Variants in WFS1 observed in about 807,000 individuals in gnomAD.
WFS1 encodes wolframin.
In WFS1, 90 loss-of-function variants were observed where a neutral mutation model predicts 68.5. The observed-to-expected ratio is 1.31, with a 90% CI of 1.11 to 1.56. The LOEUF (loss-of-function observed/expected upper bound fraction) is 1.56. WFS1 is among the 40% of genes most tolerant of loss of function. The pLI, the probability that WFS1 is intolerant of heterozygous loss-of-function variation, is 0.00. For missense variants in WFS1, 1,767 were observed against 1,232.6 expected (o/e 1.43, Z -6.49); for synonymous variants, 860 against 540.7 (o/e 1.59, Z -8.19).
At chr4:6,288,929 G>T (rs1730385972) in intron 3 of WFS1, 58 bp from the exon 4 acceptor site, 4 of 1,585,926 alleles carry the variant, frequency 2.5e-6, no homozygotes, top group Admixed American at 1.8e-5. Context: ...GGCTGGCAGG[G>T]AGCATGGGGT....
In WFS1 at chr4:6,300,690, A is replaced by C; in HGVS notation, c.895A>C (p.Ile299Leu). 6.2e-7 allele frequency: 1 copy of C among 1,613,862 alleles called. No homozygotes were observed. ...VKYPLHAIME[I>L]KEYLIDMASR... Reference sequence around the variant, plus strand: ...GTACCCCCTGCACGCCATCATGGAGATCAAGGAGTACCTGATTGACATGGC... The same window carrying C: ...GTACCCCCTGCACGCCATCATGGAGCTCAAGGAGTACCTGATTGACATGGC... Residue 299 changes from isoleucine to leucine, a missense_variant, in exon 8 of 8, where the codon ATC (isoleucine) becomes CTC (leucine). Physicochemically the swap from Ile to Leu is conservative, Grantham distance 5. Coordinates refer to ENST00000226760, the MANE Select transcript of WFS1 (RefSeq NM_006005.3).
At chr4:6,273,636 C>T (rs1729900853) in intron 1 of WFS1, among the ~76,000 whole-genome samples, 1 of 152,218 alleles carries the variant, frequency 6.6e-6, no homozygotes. Context: ...AGTGGATAAG[C>T]TGCAGCCCTG....
intron 7 of WFS1, among the ~76,000 whole-genome samples, chr4:6,298,699 C>G (rs992293699): frequency 3.3e-5 from 5 of 151,956 alleles, no homozygotes; most frequent in African/African-American, 1.2e-4. Flanking sequence ...TGCCCCTCTC[C>G]TCTCATCTGT....
intron 1 of WFS1, among the ~76,000 whole-genome samples, chr4:6,271,531 CG>C (rs1729838121): frequency 6.6e-6 from 1 of 152,276 alleles, no homozygotes; most frequent in East Asian, 1.9e-4. Context: ...CATAATAGGT[CG>C]GGAGCTTTAT....
chr4:6,281,991 C>T (rs1396005938), intron 2 of WFS1, among the ~76,000 whole-genome samples: 1 of 152,220 alleles, frequency 6.6e-6, no homozygotes, highest in Non-Finnish European at 1.5e-5. Context: ...CTACAGTCAC[C>T]TACACAGCCC....
intron 2 of WFS1, among the ~76,000 whole-genome samples, chr4:6,286,297 A>T (rs1339213155): frequency 6.6e-6 from 1 of 152,196 alleles, no homozygotes; most frequent in Non-Finnish European, 1.5e-5. Context: ...ATGAATCATG[A>T]GCGATGGCTT....
rs779272128 is a variant in WFS1, at chr4:6,291,312, G to GA, written c.578dup (p.Gln194AlafsTer53). On this transcript the variant is annotated frameshift_variant, in exon 5 of 8. Transcript: ENST00000226760. LOFTEE classifies it high-confidence loss of function. ...ACTGGAAGCTCAACCCCAAGAAGAA[G>GA]AAGCAGGTGGCCGTGGCGGAGCTGC... 1.9e-6 allele frequency: 3 copies of GA among 1,613,572 alleles called. No homozygotes were observed. The African/African-American group carries it at 4.0e-5, about 22-fold the overall frequency.
chr4:6,291,434 TC>T, intron 5 of WFS1, 67 bp downstream of exon 5: 1 of 1,579,078 alleles, frequency 6.3e-7, no homozygotes, highest in East Asian at 2.3e-5. Flanking sequence ...GCCAGGACCT[TC>T]CCATAGGGGC....
At chr4:6,278,884 G>A (rs1212617287) in intron 2 of WFS1, among the ~76,000 whole-genome samples, 2 of 152,250 alleles carry the variant, frequency 1.3e-5, no homozygotes, top group African/African-American at 2.4e-5. Flanking sequence ...AGATACCAGG[G>A]CTCGGAAGCT....
chr4:6,294,452 T>C, intron 6 of WFS1, among the ~76,000 whole-genome samples: 1 of 144,076 alleles, frequency 6.9e-6, no homozygotes, highest in Non-Finnish European at 1.5e-5. Flanking sequence ...AGTAGGCCCA[T>C]GGCAGACACT....
At chr4:6,279,418 T>TA (rs1730088644) in intron 2 of WFS1, among the ~76,000 whole-genome samples, 1 of 152,138 alleles carries the variant, frequency 6.6e-6, no homozygotes, top group Non-Finnish European at 1.5e-5. Flanking sequence ...ATAGAGGGCT[T>TA]AAGTAGATGA....
At chr4:6,284,228 C>T (rs990418486) in intron 2 of WFS1, among the ~76,000 whole-genome samples, 1 of 152,076 alleles carries the variant, frequency 6.6e-6, no homozygotes, top group Non-Finnish European at 1.5e-5. Context: ...AAAAACTTAG[C>T]TGGGCATGGT....
intron 6 of WFS1, among the ~76,000 whole-genome samples, chr4:6,293,468 C>G (rs1730526958): frequency 2.0e-5 from 3 of 152,332 alleles, no homozygotes. Context: ...GTCCTCCGTC[C>G]TTTGCTCTCA....
intron 7 of WFS1, among the ~76,000 whole-genome samples, chr4:6,299,185 G>C (rs1350074658): frequency 6.6e-6 from 1 of 152,224 alleles, no homozygotes; most frequent in African/African-American, 2.4e-5. Context: ...GGGCCTCTGA[G>C]TTCTGCACAG....
In WFS1 at chr4:6,277,500, C is replaced by T. The variant is rs759435282; in HGVS notation, c.45C>T (p.Pro15=). Reference sequence around the variant, plus strand: ...CGCTGGGCCCCTCCTGCCCACAGCCCCCGCCAGCACCGCAGCCCCAGGCGC... The same window carrying T: ...CGCTGGGCCCCTCCTGCCCACAGCCTCCGCCAGCACCGCAGCCCCAGGCGC... ...TAPLGPSCPQ[P]PPAPQPQARS... is the part of the protein sequence containing the mutation. The change falls in exon 2 of 8, where the codon CCC becomes CCT. Residue 15 remains proline, a synonymous_variant. Coordinates refer to ENST00000226760, the MANE Select transcript of WFS1 (RefSeq NM_006005.3). 5.1e-6 allele frequency: 8 copies of T among 1,573,870 alleles called. No homozygotes were observed. The South Asian group carries it at 8.2e-5, about 16-fold the overall frequency.
rs1730967182 is a variant in WFS1, at chr4:6,302,257, G to A, written c.2462G>A (p.Ser821Asn). The A allele has an allele frequency of 1.2e-6, 2 of 1,604,752 alleles. No homozygotes were observed. The highest frequency in any genetic ancestry group is 1.3e-5 in the African/African-American group (1 of 74,770). ...GTGCTGCTCAGCCTGCGCCAGGGCA[G>A]CCTCATCGAGTTCAGCACCATCCTG... ...KSVLLSLRQG[S>N]LIEFSTILEG... is the part of the protein sequence containing the mutation. Residue 821 changes from serine to asparagine, a missense_variant, in exon 8 of 8, where the codon AGC (serine) becomes AAC (asparagine). Ser to Asn is a conservative substitution (Grantham distance 46). Transcript: ENST00000226760.
In WFS1 at chr4:6,300,776, C is replaced by G. The variant is rs1257021150; in HGVS notation, c.981C>G (p.Leu327=). The change falls in exon 8 of 8, where the codon CTC becomes CTG. Residue 327 remains leucine (L), a synonymous_variant. Coordinates refer to ENST00000226760, the MANE Select transcript of WFS1 (RefSeq NM_006005.3). ...TCCCCACGCACCACATCAACGCGCTCATCTTCTTCTTCATCGTCAGCAACC... is the reference window on the plus strand; with the variant it reads ...TCCCCACGCACCACATCAACGCGCTGATCTTCTTCTTCATCGTCAGCAACC... The part of the protein sequence containing the change: ...TIIPTHHINA[L]IFFFIVSNLT... 1 of 1,613,916 alleles carries G rather than the reference C, an allele frequency of 6.2e-7. No individual in the cohort carries two copies. Among genetic ancestry groups the G allele is most frequent in the Non-Finnish European group, 8.5e-7 (1 of 1,179,972 alleles).
At chr4:6,270,918 A>T in intron 1 of WFS1, among the ~76,000 whole-genome samples, 1 of 152,150 alleles carries the variant, frequency 6.6e-6, no homozygotes, top group East Asian at 1.9e-4. Context: ...CACGAAGCTG[A>T]TGGGGCAGAG....
intron 6 of WFS1, among the ~76,000 whole-genome samples, chr4:6,292,979 G>A (rs902546374): frequency 2.0e-5 from 3 of 152,222 alleles, no homozygotes; most frequent in East Asian, 1.9e-4. Context: ...GGGTGCTTGC[G>A]CTGCTGTTTT....
Sources: gnomAD v4.1 joint callset for allele counts (sites outside exome capture counted in the v4.1 genomes callset) on GRCh38, gnomAD v4.1.1 for gene constraint, MANE v1.5 for transcripts, NCBI Gene and HGNC (gene_info 2026-07-23, HGNC 2026-07-21) for gene names.